The following MYOZ2 variants were observed in gnomAD, a reference collection of about 807,000 sequenced individuals.
MYOZ2 encodes myozenin-2.
MYOZ2 carries 19 observed loss-of-function variants against 25.4 expected under a neutral mutation model. The ratio of observed to expected loss-of-function variants is 0.75; its 90% CI spans 0.52 to 1.10. MYOZ2 has a LOEUF of 1.10. Ranked by LOEUF, MYOZ2 falls within the 50% of genes least tolerant of loss-of-function variation. The pLI, the probability that MYOZ2 is intolerant of heterozygous loss-of-function variation, is 0.00. For synonymous variants in MYOZ2, 92 were observed against 106.9 expected (o/e 0.86, Z 0.86); for missense variants, 270 against 317.9 (o/e 0.85, Z 1.15).
rs185115153 is a variant in MYOZ2, at chr4:119,152,231, A to G, written c.246+1190A>G. On this transcript the variant is annotated intron_variant, in intron 3 of 5. Transcript: ENST00000307128. ...AAGAATGATTTTTTAATTGAAGTCC[A>G]TGTACCCTATAAGTATGCCCAGTAA... Among the ~76,000 whole-genome samples the G allele has an allele frequency of 2.1e-3, 309 of 146,766 alleles. 2 individuals are homozygous for G. The highest frequency in any genetic ancestry group is 0.014 in the Middle Eastern group (4 of 282).
At chr4:119,162,563 G>GCATAAGA (rs1741734706) in intron 4 of MYOZ2, among the ~76,000 whole-genome samples, 1 of 152,212 alleles carries the variant, frequency 6.6e-6, no homozygotes, top group Non-Finnish European at 1.5e-5. Context: ...TCGTTGTTCT[G>GCATAAGA]TTTGTAGACC....
intron 5 of MYOZ2, among the ~76,000 whole-genome samples, chr4:119,183,229 T>G (rs1403032185): frequency 6.6e-6 from 1 of 151,812 alleles, no homozygotes; most frequent in African/African-American, 2.4e-5. Flanking sequence ...GACATACAAA[T>G]GGATATAATG....
chr4:119,165,499 G>C (rs1400333241), intron 5 of MYOZ2, among the ~76,000 whole-genome samples: 1 of 151,820 alleles, frequency 6.6e-6, no homozygotes, highest in African/African-American at 2.4e-5. Context: ...CAAATAGTGA[G>C]ACCTTGTCTC....
rs146301175 is a variant in MYOZ2 at position 119,141,164 on chromosome 4, T to C, written c.76+4563T>C. Among the ~76,000 whole-genome samples the C allele has an allele frequency of 2.4e-4, 36 of 152,300 alleles. No homozygotes were observed. The East Asian group carries it at 6.4e-3, about 27-fold the overall frequency. On this transcript the variant is annotated intron_variant, in intron 2 of 5. Coordinates refer to ENST00000307128, the MANE Select transcript of MYOZ2 (RefSeq NM_016599.5). ...GTTCTGTGCAAATGCAGATAATCAA[T>C]AAGCCCACCCTAAAGCAAATAAGCT...
intron 4 of MYOZ2, among the ~76,000 whole-genome samples, chr4:119,162,147 C>T (rs893749767): frequency 2.0e-5 from 3 of 152,002 alleles, no homozygotes; most frequent in Non-Finnish European, 2.9e-5. Context: ...AGTAGAAATT[C>T]GCACATGACA....
intron 2 of MYOZ2, 93 bp downstream of exon 2, chr4:119,136,694 T>C: frequency 7.5e-7 from 1 of 1,324,876 alleles, no homozygotes; most frequent in Non-Finnish European, 1.1e-6. Context: ...TTACTTCCTT[T>C]AGATTCTTGC....
chr4:119,144,770 T>C (rs145657850), intron 2 of MYOZ2, among the ~76,000 whole-genome samples: 1 of 152,326 alleles, frequency 6.6e-6, no homozygotes, highest in East Asian at 1.9e-4. Context: ...CCTCTTCATG[T>C]TTTGGCCCAC....
chr4:119,174,252 A>C (rs906553982), intron 5 of MYOZ2, among the ~76,000 whole-genome samples: 4 of 152,192 alleles, frequency 2.6e-5, no homozygotes, highest in Non-Finnish European at 5.9e-5. Flanking sequence ...TGGGCTCCTG[A>C]GTCTGGTGGG....
chr4:119,159,664 G>C (rs1741663075), intron 4 of MYOZ2, among the ~76,000 whole-genome samples: 1 of 152,010 alleles, frequency 6.6e-6, no homozygotes, highest in Admixed American at 6.6e-5. Context: ...AAAATAAACA[G>C]TAAATTTAGC....
intron 5 of MYOZ2, among the ~76,000 whole-genome samples, chr4:119,169,362 T>C (rs1160843094): frequency 6.6e-6 from 1 of 152,220 alleles, no homozygotes; most frequent in Non-Finnish European, 1.5e-5. Flanking sequence ...AGTACGCCTG[T>C]AATTATATCT....
At chr4:119,167,058 C>T (rs1024647600) in intron 5 of MYOZ2, among the ~76,000 whole-genome samples, 1 of 152,154 alleles carries the variant, frequency 6.6e-6, no homozygotes, top group African/African-American at 2.4e-5. Flanking sequence ...ACAAGTCTCT[C>T]ATTTTAAATC....
chr4:119,168,597 T>G (rs1340125930), intron 5 of MYOZ2, among the ~76,000 whole-genome samples: 1 of 151,964 alleles, frequency 6.6e-6, no homozygotes, highest in African/African-American at 2.4e-5. Flanking sequence ...TAAATAAAGA[T>G]CTGGTGGAAA....
chr4:119,162,857 C>T (rs1323313633), intron 4 of MYOZ2, among the ~76,000 whole-genome samples: 1 of 151,792 alleles, frequency 6.6e-6, no homozygotes, highest in Non-Finnish European at 1.5e-5. Context: ...CTAAAATGAC[C>T]AAAATAGAAA....
intron 3 of MYOZ2, among the ~76,000 whole-genome samples, chr4:119,157,269 G>C (rs1011368623): frequency 1.3e-5 from 2 of 152,088 alleles, no homozygotes; most frequent in Non-Finnish European, 2.9e-5. Context: ...TTTATTATGA[G>C]AATAAAACTT....
chr4:119,149,934 A>G (rs1301445528), intron 2 of MYOZ2, among the ~76,000 whole-genome samples: 2 of 152,220 alleles, frequency 1.3e-5, no homozygotes, highest in East Asian at 3.8e-4. Context: ...TTAATATATC[A>G]TCAAAGAATG....
chr4:119,142,492 A>G (rs1047943800), intron 2 of MYOZ2, among the ~76,000 whole-genome samples: 13 of 152,222 alleles, frequency 8.5e-5, no homozygotes, highest in Non-Finnish European at 1.6e-4. Flanking sequence ...AACACTTGCA[A>G]ATAAGCAAGG....
At chr4:119,173,745 G>A (rs558733315) in intron 5 of MYOZ2, among the ~76,000 whole-genome samples, 2 of 152,288 alleles carry the variant, frequency 1.3e-5, no homozygotes, top group South Asian at 2.1e-4. Flanking sequence ...GGACAAGGCC[G>A]GCGCCCACTC....
rs77914589 is a variant in MYOZ2, at chr4:119,136,131, G to A, written c.-15+149G>A. On this transcript the variant is annotated intron_variant, in intron 1 of 5. Coordinates refer to ENST00000307128, the MANE Select transcript of MYOZ2 (RefSeq NM_016599.5). ...CCAAAGAATTCTGGTTTAGTCTAGTGTCTTCTTCATTCTTACAGTTTGCTG... is the reference window on the plus strand; with the variant it reads ...CCAAAGAATTCTGGTTTAGTCTAGTATCTTCTTCATTCTTACAGTTTGCTG... 284 of 270,936 alleles carry A rather than the reference G, an allele frequency of 1.0e-3. 7 individuals carry two copies. The East Asian group carries it at 0.024, about 23-fold the overall frequency. 16.8% of individuals were successfully genotyped at this position (270,936 alleles called of 1,614,324 possible). A position where few individuals can be genotyped will look rare whatever the true frequency, so the allele number is the denominator to read the frequency against.
chr4:119,172,789 G>A (rs145531500), intron 5 of MYOZ2, among the ~76,000 whole-genome samples: 43 of 152,298 alleles, frequency 2.8e-4, no homozygotes, highest in African/African-American at 9.4e-4. Flanking sequence ...TTCTCCCAAA[G>A]TTAGTTTGGC....
Sources: gnomAD v4.1 joint callset for allele counts (sites outside exome capture counted in the v4.1 genomes callset) on GRCh38, gnomAD v4.1.1 for gene constraint, MANE v1.5 for transcripts, NCBI Gene and HGNC (gene_info 2026-07-23, HGNC 2026-07-21) for gene names.